GPT2: variants seen among roughly 807,000 people sequenced by gnomAD.
The protein encoded by GPT2 is glutamic--pyruvic transaminase 2.
GPT2 carries 30 observed loss-of-function variants against 56.9 expected under a neutral mutation model. The ratio of observed to expected loss-of-function variants is 0.53; its 90% CI spans 0.39 to 0.72. The LOEUF is 0.72. Among genes scored for constraint, GPT2 ranks in the 30% least tolerant of loss-of-function variants. The pLI is 0.00. For missense variants in GPT2, 542 were observed against 703.4 expected, an observed-to-expected ratio of 0.77 and a Z score of 2.60; for synonymous variants, 271 against 283.1, an observed-to-expected ratio of 0.96 and a Z score of 0.43.
At chr16:46,916,554 G>A in intron 6 of GPT2, 74 bp from the exon 7 acceptor site, 2 of 1,117,736 alleles carry the variant, frequency 1.8e-6, no homozygotes, top group Non-Finnish European at 1.4e-6. Context: ...GAGTGATTCT[G>A]GATGGGCTTC....
chr16:46,918,613 C>T lies in GPT2; in HGVS notation c.901-8C>T. 1 of 1,613,946 alleles carries T rather than the reference C, an allele frequency of 6.2e-7. No individual in the cohort carries two copies. The highest frequency in any genetic ancestry group is 8.5e-7 in the Non-Finnish European group (1 of 1,179,888). On this transcript the variant is annotated splice_region_variant and splice_polypyrimidine_tract_variant and intron_variant, in intron 7 of 11. Transcript: ENST00000340124. ...CCTTTGGTGACCGTCCCTGCCGTGC[C>T]CCCGCAGGTGTACCAGGACAACGTG...
chr16:46,906,510 C>G (rs1960929275), intron 4 of GPT2, among the ~76,000 whole-genome samples: 1 of 152,132 alleles, frequency 6.6e-6, no homozygotes, highest in Non-Finnish European at 1.5e-5. Context: ...GTGGGTGGAA[C>G]AGTTGTGGAC....
At chr16:46,896,229 T>A (rs918626524) in intron 2 of GPT2, among the ~76,000 whole-genome samples, 17 of 152,208 alleles carry the variant, frequency 1.1e-4, no homozygotes, top group Admixed American at 3.3e-4. Context: ...GCTGATTGGG[T>A]TTATCAGGGA....
At position 46,909,666 on chromosome 16, in the gene GPT2, G is replaced by A. The variant is rs755878208; in HGVS notation, c.577-18G>A. The A allele has an allele frequency of 9.3e-6, 15 of 1,608,522 alleles. No homozygotes were observed. Among genetic ancestry groups the A allele is most frequent in the South Asian group, 1.1e-5 (1 of 90,856 alleles). ...GGGAAGTAGTGCTGGCTTTCTAGAT[G>A]TGAATTCTCTGTTGCAGACGATCCT... On this transcript the variant is annotated intron_variant, in intron 5 of 11. Coordinates refer to ENST00000340124, the MANE Select transcript of GPT2 (RefSeq NM_133443.4).
At chr16:46,897,791 GGGCCGTCATAGGGGCC>G in intron 3 of GPT2, 54 bp downstream of exon 3, 1 of 1,543,806 alleles carries the variant, frequency 6.5e-7, no homozygotes. Context: ...TGGGCTGGGC[GGGCCGTCATAGGGGCC>G]GTCCTCTGCC....
At chr16:46,890,533 T>C (rs1960566610) in intron 2 of GPT2, among the ~76,000 whole-genome samples, 1 of 152,142 alleles carries the variant, frequency 6.6e-6, no homozygotes, top group Admixed American at 6.5e-5. Flanking sequence ...TTCTCTGCCA[T>C]CCTTTCTGCC....
rs775188100 is a variant in GPT2 at position 46,927,017 on chromosome 16, G to A, written c.1461G>A (p.Arg487=). The change falls in exon 11 of 12, where the codon AGG becomes AGA. Residue 487 remains arginine, a synonymous_variant. Transcript: ENST00000340124. ...CVVPGSGFGQ[R]EGTYHFRMTI... ...TGCCCGGCAGTGGCTTTGGGCAGAG[G>A]GAAGGCACTTACCACTTCAGGTATG... 1.4e-5 allele frequency: 22 copies of A among 1,603,974 alleles called. No homozygotes were observed. The highest frequency in any genetic ancestry group is 1.9e-5 in the Non-Finnish European group (22 of 1,175,994).
At chr16:46,913,863 A>G (rs1045630238) in intron 6 of GPT2, among the ~76,000 whole-genome samples, 2 of 152,152 alleles carry the variant, frequency 1.3e-5, no homozygotes, top group Non-Finnish European at 2.9e-5. Context: ...GCCTGAGCCC[A>G]GGAGTTTGAG....
chr16:46,920,504 A>G (rs1404127365), intron 8 of GPT2, among the ~76,000 whole-genome samples: 2 of 152,246 alleles, frequency 1.3e-5, no homozygotes, highest in Non-Finnish European at 2.9e-5. Flanking sequence ...AGGAAGCCAC[A>G]GAGACTGAGG....
intron 2 of GPT2, 196 bp downstream of exon 2, chr16:46,885,154 C>G: frequency 7.6e-7 from 1 of 1,315,668 alleles, no homozygotes; most frequent in Non-Finnish European, 9.7e-7. Flanking sequence ...TCAGTGAGGC[C>G]TTGCAATACG....
At chr16:46,896,913 T>C (rs942699718) in intron 2 of GPT2, among the ~76,000 whole-genome samples, 12 of 152,202 alleles carry the variant, frequency 7.9e-5, no homozygotes, top group Admixed American at 7.9e-4. Context: ...TAATCAGTTA[T>C]GTGGCTGGGC....
At chr16:46,896,638 C>G (rs1960691135) in intron 2 of GPT2, among the ~76,000 whole-genome samples, 1 of 152,172 alleles carries the variant, frequency 6.6e-6, no homozygotes, top group Non-Finnish European at 1.5e-5. Context: ...GCAGAGGAGT[C>G]TGGGACCCTG....
chr16:46,902,040 A>G (rs536113257), intron 4 of GPT2, among the ~76,000 whole-genome samples: 34 of 152,292 alleles, frequency 2.2e-4, no homozygotes, highest in South Asian at 4.1e-4. Flanking sequence ...GAAGCCCCCA[A>G]CTGAGAGGCA....
chr16:46,914,162 T>TG (rs1301317683), intron 6 of GPT2, among the ~76,000 whole-genome samples: 1 of 152,184 alleles, frequency 6.6e-6, no homozygotes, highest in Non-Finnish European at 1.5e-5. Flanking sequence ...TCTACCTCGT[T>TG]GCGTTTACTC....
In GPT2 at chr16:46,930,781, T is replaced by C. The variant is rs1961529175; in HGVS notation, c.*1784T>C. 6.6e-6 allele frequency: 1 copy of C among 152,664 alleles called. No individual in the cohort carries two copies. The allele number at this position is 152,664 out of a possible 1,614,324, so 9.5% of individuals were successfully genotyped here. A position where few individuals can be genotyped will look rare whatever the true frequency, so the allele number is the denominator to read the frequency against. ...AACAAGTCCAGTAATTTTTTATAAA[T>C]CTTCAGATTATAAACAGCCCCTAAA... On this transcript the variant is annotated 3_prime_UTR_variant, in exon 12 of 12. Coordinates refer to ENST00000340124, the MANE Select transcript of GPT2 (RefSeq NM_133443.4).
intron 2 of GPT2, among the ~76,000 whole-genome samples, chr16:46,894,398 G>A (rs2143371092): frequency 6.6e-6 from 1 of 152,342 alleles, no homozygotes; most frequent in African/African-American, 2.4e-5. Context: ...GCTAGACCTG[G>A]GGTCTGCAAC....
At chr16:46,900,624 C>T (rs765491331) in intron 3 of GPT2, 58 bp from the exon 4 acceptor site, 147 of 1,379,132 alleles carry the variant, frequency 1.1e-4, no homozygotes, top group Admixed American at 3.4e-5. Flanking sequence ...CTCTGTGCTC[C>T]TCCTGGAGCT....
intron 2 of GPT2, 80 bp from the exon 3 acceptor site, chr16:46,897,568 C>T: frequency 7.6e-7 from 1 of 1,311,228 alleles, no homozygotes; most frequent in East Asian, 2.3e-5. Context: ...TATTAATATC[C>T]TGCGGGAACC....
intron 4 of GPT2, among the ~76,000 whole-genome samples, chr16:46,902,607 T>G (rs1960840180): frequency 6.6e-6 from 1 of 152,006 alleles, no homozygotes; most frequent in African/African-American, 2.4e-5. Context: ...GTATACAAAG[T>G]CTTGAAGCTC....
Sources: allele counts gnomAD v4.1 joint callset (sites outside exome capture counted in the v4.1 genomes callset), GRCh38; gene constraint gnomAD v4.1.1; transcripts MANE v1.5; gene names NCBI Gene and HGNC (gene_info 2026-07-23, HGNC 2026-07-21).